The following CUBN variants were observed in gnomAD, a reference collection of about 807,000 sequenced individuals.
The protein encoded by CUBN is 460 kDa receptor.
In CUBN, 282 loss-of-function variants were observed where a neutral mutation model predicts 405.3. The ratio of observed to expected loss-of-function variants is 0.70; its 90% confidence interval spans 0.63 to 0.77. The LOEUF is 0.77. Among genes scored for constraint, CUBN ranks in the 30% least tolerant of loss-of-function variants. The pLI, the probability that CUBN is intolerant of heterozygous loss-of-function variation, is 0.00. For missense variants in CUBN, 4,514 were observed against 4,475.2 expected (o/e 1.01, Z -0.25); for synonymous variants, 1,684 against 1,617.0 (o/e 1.04, Z -0.99).
chr10:17,033,031 T>C (rs1287767343), intron 27 of CUBN, among the ~76,000 whole-genome samples: 1 of 152,102 alleles, frequency 6.6e-6, no homozygotes, highest in Admixed American at 6.5e-5. Context: ...ATCCCCTTAC[T>C]GGGTCTCCAC....
chr10:17,094,988 C>T (rs1383406625), intron 14 of CUBN, among the ~76,000 whole-genome samples: 1 of 151,924 alleles, frequency 6.6e-6, no homozygotes, highest in African/African-American at 2.4e-5. Context: ...TAAAAATACA[C>T]TACTTGATTT....
intron 28 of CUBN, among the ~76,000 whole-genome samples, chr10:17,004,816 C>T (rs907975886): frequency 5.9e-5 from 9 of 151,922 alleles, no homozygotes; most frequent in Admixed American, 3.3e-4. Context: ...ATTACAGGCA[C>T]GCACCACCAC....
At chr10:16,995,315 G>A (rs1204550977) in intron 28 of CUBN, among the ~76,000 whole-genome samples, 1 of 152,118 alleles carries the variant, frequency 6.6e-6, no homozygotes, top group Non-Finnish European at 1.5e-5. Flanking sequence ...AGACAAATGG[G>A]TTCCTAAACT....
chr10:16,875,762 C>G (rs1314789205), intron 57 of CUBN, among the ~76,000 whole-genome samples: 1 of 152,198 alleles, frequency 6.6e-6, no homozygotes, highest in East Asian at 1.9e-4. Context: ...AAGTGGGACT[C>G]TTATACTAGA....
At chr10:16,976,334 T>C (rs1833093966) in intron 31 of CUBN, among the ~76,000 whole-genome samples, 1 of 152,144 alleles carries the variant, frequency 6.6e-6, no homozygotes, top group African/African-American at 2.4e-5. Context: ...GTTACTTTTT[T>C]TTCTTTAATC....
chr10:16,925,103 G>A (rs1842144213), intron 43 of CUBN, 138 bp downstream of exon 43: 2 of 664,210 alleles, frequency 3.0e-6, no homozygotes, highest in South Asian at 3.6e-5. Flanking sequence ...GATATTGAAT[G>A]TATCAAATAT....
chr10:16,831,207 T>A, intron 65 of CUBN, 45 bp downstream of exon 65: 1 of 1,580,572 alleles, frequency 6.3e-7, no homozygotes, highest in Non-Finnish European at 8.7e-7. Context: ...AGACACCTCA[T>A]GTTTTTCTCA....
At chr10:17,071,342 C>T in intron 19 of CUBN, 84 bp downstream of exon 19, 1 of 1,411,804 alleles carries the variant, frequency 7.1e-7, no homozygotes, top group East Asian at 2.5e-5. Flanking sequence ...CTTTCATTTC[C>T]TATAACAGAT....
At chr10:16,922,466 C>T (rs1246161016) in intron 43 of CUBN, among the ~76,000 whole-genome samples, 1 of 152,140 alleles carries the variant, frequency 6.6e-6, no homozygotes, top group African/African-American at 2.4e-5. Flanking sequence ...TTCAGTGTTG[C>T]AGCTACATTA....
At chr10:17,116,987 A>G (rs2131316004) in intron 6 of CUBN, among the ~76,000 whole-genome samples, 1 of 152,354 alleles carries the variant, frequency 6.6e-6, no homozygotes, top group South Asian at 2.1e-4. Flanking sequence ...ATCAGTATAT[A>G]TTTACATAAA....
intron 22 of CUBN, among the ~76,000 whole-genome samples, chr10:17,061,936 T>C (rs1164366779): frequency 6.6e-6 from 1 of 152,178 alleles, no homozygotes; most frequent in Non-Finnish European, 1.5e-5. Flanking sequence ...CAATCAGCTA[T>C]GTATTCTTGG....
At chr10:16,913,120 G>A (rs1355041627) in intron 48 of CUBN, among the ~76,000 whole-genome samples, 1 of 152,150 alleles carries the variant, frequency 6.6e-6, no homozygotes, top group Non-Finnish European at 1.5e-5. Context: ...TAGACATCAA[G>A]ATTTTTGACC....
chr10:16,860,037 T>G (rs1231798663), intron 59 of CUBN, among the ~76,000 whole-genome samples: 1 of 152,084 alleles, frequency 6.6e-6, no homozygotes, highest in Non-Finnish European at 1.5e-5. Flanking sequence ...AGGTAACTAC[T>G]GAAACAAGAG....
chr10:16,834,297 C>T (rs776664205), intron 64 of CUBN, among the ~76,000 whole-genome samples: 3 of 150,760 alleles, frequency 2.0e-5, no homozygotes, highest in Admixed American at 6.6e-5. Flanking sequence ...GGGAGCTCAT[C>T]GGGGGCACTG....
At chr10:17,107,124 T>C (rs951017234) in intron 10 of CUBN, among the ~76,000 whole-genome samples, 1 of 152,200 alleles carries the variant, frequency 6.6e-6, no homozygotes, top group East Asian at 1.9e-4. Context: ...TTAATTATGA[T>C]GTACATGAGG....
chr10:17,027,474 A>T (rs1244996416), intron 27 of CUBN, among the ~76,000 whole-genome samples: 29 of 152,240 alleles, frequency 1.9e-4, no homozygotes, highest in Admixed American at 1.9e-3. Flanking sequence ...CAATACCACC[A>T]AATATTAGTA....
Position 16,982,601 on chromosome 10 carries a change from GTAAT to G in CUBN, c.4574_4577del (p.Asn1525ThrfsTer25). Reference sequence around the variant, plus strand: ...CTGTGTTGCTCCTATAAGGACTGGGGTAATTTGGAGAATGAATCTCTCCACTGGG... The same window carrying G: ...CTGTGTTGCTCCTATAAGGACTGGGGTTGGAGAATGAATCTCTCCACTGGG... On this transcript the variant is annotated frameshift_variant, in exon 31 of 67. Transcript: ENST00000377833. LOFTEE classifies it high-confidence loss of function. 1 of 1,613,532 alleles carries G rather than the reference GTAAT, an allele frequency of 6.2e-7. No homozygotes were observed. The highest frequency in any genetic ancestry group is 8.5e-7 in the Non-Finnish European group (1 of 1,179,504).
intron 20 of CUBN, 97 bp from the exon 21 acceptor site, chr10:17,068,377 G>A (rs1056252830): frequency 7.6e-6 from 10 of 1,314,086 alleles, no homozygotes; most frequent in African/African-American, 3.0e-5. Flanking sequence ...AAGATTAAAA[G>A]GAAAAATGTT....
intron 54 of CUBN, among the ~76,000 whole-genome samples, chr10:16,894,394 G>A (rs780824974): frequency 1.3e-5 from 2 of 151,952 alleles, no homozygotes; most frequent in Non-Finnish European, 2.9e-5. Flanking sequence ...AAATAATGAG[G>A]TTTAGGTTGA....
Sources: allele counts gnomAD v4.1 joint callset (sites outside exome capture counted in the v4.1 genomes callset), GRCh38; gene constraint gnomAD v4.1.1; transcripts MANE v1.5; gene names NCBI Gene and HGNC (gene_info 2026-07-23, HGNC 2026-07-21).